Variants in SULT1E1 observed in about 807,000 individuals in gnomAD.
The protein encoded by SULT1E1 is sulfotransferase 1E1.
Under a neutral mutation model 33.6 loss-of-function variants are expected in SULT1E1, and 36 were observed. The observed-to-expected ratio is 1.07, with a 90% CI of 0.82 to 1.41. The LOEUF (loss-of-function observed/expected upper bound fraction) is 1.41, where lower values mean the gene tolerates loss of function less well. SULT1E1 is among the 40% of genes most tolerant of loss of function. SULT1E1 has a pLI of 0.00. For missense variants in SULT1E1, 371 were observed against 345.7 expected, an observed-to-expected ratio of 1.07 and a Z score of -0.58; for synonymous variants, 121 against 111.7, an observed-to-expected ratio of 1.08 and a Z score of -0.53.
chr4:69,824,075 T>C, the SULT1E1 span, among the ~76,000 whole-genome samples: 1 of 152,194 alleles, frequency 6.6e-6, no homozygotes, highest in South Asian at 2.1e-4. Flanking sequence ...GATTTTCATA[T>C]AAGAGCCCTT....
intron 6 of SULT1E1, among the ~76,000 whole-genome samples, chr4:69,846,835 T>A (rs1720987429): frequency 6.6e-6 from 1 of 151,640 alleles, no homozygotes; most frequent in South Asian, 2.1e-4. Flanking sequence ...CATAGTGATT[T>A]TTATTTTGAA....
the SULT1E1 span, among the ~76,000 whole-genome samples, chr4:69,823,145 A>G: frequency 6.6e-6 from 1 of 152,180 alleles, no homozygotes; most frequent in Non-Finnish European, 1.5e-5. Flanking sequence ...CTGGGCCCCA[A>G]ACAAAGACAA....
intron 4 of SULT1E1, among the ~76,000 whole-genome samples, chr4:69,852,956 T>C (rs1436541282): frequency 2.0e-5 from 3 of 152,202 alleles, no homozygotes; most frequent in East Asian, 3.9e-4. Context: ...AGTACATAAC[T>C]GGTCTTTACT....
intron 7 of SULT1E1, among the ~76,000 whole-genome samples, chr4:69,843,609 C>T (rs1427837044): frequency 1.3e-5 from 2 of 152,164 alleles, no homozygotes; most frequent in Non-Finnish European, 2.9e-5. Context: ...AATTTGTTAA[C>T]TGGCTATATC....
At chr4:69,829,787 G>C in the SULT1E1 span, among the ~76,000 whole-genome samples, 1 of 152,166 alleles carries the variant, frequency 6.6e-6, no homozygotes, top group African/African-American at 2.4e-5. Flanking sequence ...TGGTTGCACA[G>C]TTCTTGGATA....
In SULT1E1 at chr4:69,857,536, G is replaced by T. The variant is rs1721267594; in HGVS notation, c.109C>A (p.Pro37Thr). Residue 37 changes from proline (P) to threonine (T), a missense_variant, in exon 2 of 8, where the codon CCA (proline) becomes ACA (threonine). By Grantham distance (38) the Pro-to-Thr change is conservative. Transcript: ENST00000226444. Reference sequence around the variant, plus strand: ...TAGGTGGCAATGACAAGATCATCTGGTCTTGCCTGGAACGCTTCCACATTA... The same window carrying T: ...TAGGTGGCAATGACAAGATCATCTGTTCTTGCCTGGAACGCTTCCACATTA... ...WDNVEAFQAR[P>T]DDLVIATYPK... 6.2e-7 allele frequency: 1 copy of T among 1,611,840 alleles called. No individual in the cohort carries two copies. The highest frequency in any genetic ancestry group is 8.5e-7 in the Non-Finnish European group (1 of 1,179,380).
the SULT1E1 span, among the ~76,000 whole-genome samples, chr4:69,832,377 T>C: frequency 2.1e-3 from 315 of 152,298 alleles, no homozygotes; most frequent in Non-Finnish European, 3.9e-3. Context: ...ACCAGAAATG[T>C]TGCAGAAAAA....
chr4:69,847,410 G>A (rs980168122), intron 6 of SULT1E1, among the ~76,000 whole-genome samples: 7 of 151,628 alleles, frequency 4.6e-5, no homozygotes, highest in African/African-American at 1.7e-4. Flanking sequence ...ATGTGTGTGT[G>A]TGTGTGCCTA....
chr4:69,827,348 G>C, the SULT1E1 span, among the ~76,000 whole-genome samples: 1 of 152,110 alleles, frequency 6.6e-6, no homozygotes, highest in Admixed American at 6.5e-5. Flanking sequence ...TCAGCACGCT[G>C]TCCCCAGTAT....
Position 69,841,466 on chromosome 4 carries a change from A to G in SULT1E1, c.*528T>C. 1 of 152,506 alleles carries G rather than the reference A, an allele frequency of 6.6e-6. No homozygotes were observed. The highest frequency in any genetic ancestry group is 2.4e-5 in the African/African-American group (1 of 41,460). 9.4% of individuals were successfully genotyped at this position (152,506 alleles called of 1,614,324 possible). ...CATGGAGGCTCAAGCCTGTAATCCC[A>G]GTATTTTGGGAGGCTGGTGTGGGAA... On this transcript the variant is annotated 3_prime_UTR_variant, in exon 8 of 8. Transcript: ENST00000226444.
chr4:69,839,387 C>T (rs2110063431), downstream of SULT1E1, among the ~76,000 whole-genome samples: 1 of 152,274 alleles, frequency 6.6e-6, no homozygotes, highest in African/African-American at 2.4e-5. Flanking sequence ...ATAATGAACC[C>T]ACTCCTGGGA....
chr4:69,855,221 T>C (rs1296583450), intron 3 of SULT1E1, 80 bp downstream of exon 3: 1 of 1,439,284 alleles, frequency 6.9e-7, no homozygotes, highest in African/African-American at 1.4e-5. Context: ...CATTCTTGCT[T>C]ATAATCTCAT....
intron 3 of SULT1E1, among the ~76,000 whole-genome samples, chr4:69,854,656 A>AT (rs1169161316): frequency 2.0e-5 from 3 of 152,034 alleles, no homozygotes; most frequent in Admixed American, 2.0e-4. Flanking sequence ...ATAGAAAAAT[A>AT]TAAAATGAAA....
chr4:69,856,890 C>G (rs1259578262), intron 2 of SULT1E1, among the ~76,000 whole-genome samples: 1 of 136,464 alleles, frequency 7.3e-6, no homozygotes, highest in Non-Finnish European at 1.5e-5. Context: ...GAGCAGAGAT[C>G]GCGCCACTGC....
At chr4:69,834,659 A>C in the SULT1E1 span, among the ~76,000 whole-genome samples, 2 of 152,284 alleles carry the variant, frequency 1.3e-5, no homozygotes, top group Admixed American at 1.3e-4. Context: ...TATTCCTCTG[A>C]AGTGCTTAAA....
Position 69,855,316 on chromosome 4 carries a change from C to G in SULT1E1, c.256G>C (p.Glu86Gln), listed in dbSNP as rs1721212401. 2.5e-6 allele frequency: 4 copies of G among 1,612,280 alleles called. No homozygotes were observed. Among genetic ancestry groups the G allele is most frequent in the South Asian group, 1.1e-5 (1 of 90,952 alleles). ...TGAACGTTACCATTCATGAGGTTTTCTTTTCTGCATTCCAGGAAAGGTATT... is the reference window on the plus strand; with the variant it reads ...TGAACGTTACCATTCATGAGGTTTTGTTTTCTGCATTCCAGGAAAGGTATT... The part of the protein sequence containing the change: ...NRIPFLECRK[E>Q]NLMNGVKQLD... The change falls in exon 3 of 8, where the codon GAA (glutamate) becomes CAA (glutamine). Residue 86 changes from glutamate to glutamine, a missense_variant. Physicochemically the swap from Glu to Gln is conservative, Grantham distance 29. Coordinates refer to ENST00000226444, the MANE Select transcript of SULT1E1 (RefSeq NM_005420.3).
the SULT1E1 span, among the ~76,000 whole-genome samples, chr4:69,823,785 T>C: frequency 6.6e-6 from 1 of 152,200 alleles, no homozygotes; most frequent in African/African-American, 2.4e-5. Flanking sequence ...CTCTGCTATC[T>C]GAGCAGAAGT....
chr4:69,835,060 T>C, the SULT1E1 span, among the ~76,000 whole-genome samples: 1 of 152,190 alleles, frequency 6.6e-6, no homozygotes, highest in Admixed American at 6.5e-5. Context: ...TCCTTACCTC[T>C]TACTTTCTGC....
downstream of SULT1E1, among the ~76,000 whole-genome samples, chr4:69,839,937 T>C (rs1266937755): frequency 6.6e-6 from 1 of 152,242 alleles, no homozygotes; most frequent in Non-Finnish European, 1.5e-5. Context: ...CAAGGACTGA[T>C]GTCAGAAATA....
Sources: allele counts gnomAD v4.1 joint callset (sites outside exome capture counted in the v4.1 genomes callset), GRCh38; gene constraint gnomAD v4.1.1; transcripts MANE v1.5; gene names NCBI Gene and HGNC (gene_info 2026-07-23, HGNC 2026-07-21).